LPA: variants seen among roughly 807,000 people sequenced by gnomAD.
LPA encodes apolipoprotein(a).
Under a neutral mutation model 197.9 loss-of-function variants are expected in LPA, and 199 were observed. That is an observed-to-expected ratio of 1.01 (90% CI 0.90 to 1.13). The LOEUF (loss-of-function observed/expected upper bound fraction) is 1.13, where lower values mean the gene tolerates loss of function less well. Among genes scored for constraint, LPA ranks in the 50% most tolerant of loss-of-function variants. LPA has a pLI of 0.00. For synonymous variants in LPA, 715 were observed against 639.5 expected, an observed-to-expected ratio of 1.12 and a Z score of -1.78; for missense variants, 1,853 against 1,785.8, an observed-to-expected ratio of 1.04 and a Z score of -0.68.
intron 12 of LPA, among the ~76,000 whole-genome samples, chr6:160,621,055 CTT>C (rs1397212209): frequency 1.8e-5 from 2 of 109,150 alleles, no homozygotes; most frequent in African/African-American, 4.0e-5. Flanking sequence ...TATACTACCT[CTT>C]TAATTTAATT....
intron 28 of LPA, among the ~76,000 whole-genome samples, chr6:160,569,736 G>A (rs1438322028): frequency 6.6e-6 from 1 of 152,124 alleles, no homozygotes; most frequent in Non-Finnish European, 1.5e-5. Flanking sequence ...CTACCCATCT[G>A]ACAAAGGGCT....
intron 16 of LPA, among the ~76,000 whole-genome samples, chr6:160,608,697 TTC>T (rs1284351219): frequency 6.6e-6 from 1 of 152,144 alleles, no homozygotes; most frequent in African/African-American, 2.4e-5. Context: ...CGGTATTTGT[TTC>T]TGTTTCCAAT....
chr6:160,599,082 G>C (rs1038220848), intron 20 of LPA, among the ~76,000 whole-genome samples: 3 of 152,170 alleles, frequency 2.0e-5, no homozygotes, highest in African/African-American at 7.2e-5. Flanking sequence ...GGTGGCTCAC[G>C]CCTGTAATCC....
chr6:160,548,508 C>A lies in LPA; in HGVS notation c.5125G>T (p.Val1709Phe), dbSNP rs900675233. 12 of 1,613,952 alleles carry A rather than the reference C, an allele frequency of 7.4e-6. No homozygotes were observed. The highest frequency in any genetic ancestry group is 2.7e-5 in the African/African-American group (2 of 74,894). Reference sequence around the variant, plus strand: ...TCAGAAGGAGGCCCTAGGCTTGGAACCTGGATGACAGTCGGAGGAGCGACC... The same window carrying A: ...TCAGAAGGAGGCCCTAGGCTTGGAAACTGGATGACAGTCGGAGGAGCGACC... ...TVVAPPTVIQ[V>F]PSLGPPSEQD... is the part of the protein sequence containing the mutation. Residue 1709 changes from valine (V) to phenylalanine (F), a missense_variant, in exon 31 of 39, where the codon GTT becomes TTT. Transcript: ENST00000316300.
intron 18 of LPA, among the ~76,000 whole-genome samples, chr6:160,602,845 GTT>G (rs2115056949): frequency 6.6e-6 from 1 of 152,202 alleles, no homozygotes; most frequent in East Asian, 1.9e-4. Context: ...GGGTTCCAGT[GTT>G]TCTGATGAGA....
chr6:160,587,473 T>C (rs1037693334), intron 24 of LPA, among the ~76,000 whole-genome samples: 1 of 152,182 alleles, frequency 6.6e-6, no homozygotes, highest in Non-Finnish European at 1.5e-5. Context: ...CCCCCTTTTT[T>C]TCTTTTTAGC....
chr6:160,534,938 A>G (rs1174556879), intron 37 of LPA, among the ~76,000 whole-genome samples: 3 of 149,238 alleles, frequency 2.0e-5, no homozygotes, highest in African/African-American at 7.4e-5. Context: ...GGTGTTAATG[A>G]TGGTGATGGT....
Position 160,661,142 on chromosome 6 carries a change from C to T in LPA, c.49+3024G>A, listed in dbSNP as rs370410969. On this transcript the variant is annotated intron_variant, in intron 1 of 38. Coordinates refer to ENST00000316300, the MANE Select transcript of LPA (RefSeq NM_005577.4). ...CTTCCAAGCCTGGAGATGCCAGCTC[C>T]ATCTCTGGCACAAAATGTAGTGATT... is the stretch of plus-strand genomic sequence containing the variant. Among the ~76,000 whole-genome samples, 8 of 150,176 alleles carry T rather than the reference C, an allele frequency of 5.3e-5. No individual in the cohort carries two copies. The South Asian group carries it at 1.5e-3, about 28-fold the overall frequency.
In LPA at chr6:160,586,504, G is replaced by A; in HGVS notation, c.4074C>T (p.Leu1358=). Residue 1358 remains leucine (L), a synonymous_variant, in exon 25 of 39, where the codon CTC becomes CTT. Transcript: ENST00000316300. ...LTQCPVMEST[L]LTTPTVVPVP... is the part of the protein sequence containing the mutation. ...CTGGGACCACCGTGGGAGTTGTGAG[G>A]AGAGTTGATTCCATCACTGGACATT... 1 of 1,613,814 alleles carries A rather than the reference G, an allele frequency of 6.2e-7. No homozygotes were observed.
intron 26 of LPA, among the ~76,000 whole-genome samples, chr6:160,580,784 A>T (rs193186293): frequency 1.3e-5 from 2 of 152,248 alleles, no homozygotes; most frequent in African/African-American, 4.8e-5. Flanking sequence ...TGAGTGGGAG[A>T]AATGTTTCTA....
Position 160,605,205 on chromosome 6 carries a change from G to T in LPA, c.2786C>A (p.Ala929Glu). 6.2e-7 allele frequency: 1 copy of T among 1,613,534 alleles called. No homozygotes were observed. The highest frequency in any genetic ancestry group is 8.5e-7 in the Non-Finnish European group (1 of 1,179,828). ...CACCCCAGGCCTTTGCTCAGTTGGT[G>T]CTGAAATGAAAAGAAAAGAAATCAA... Reference protein sequence around the residue: ...IPSLEAPSEQAPTEQRPGVQE... With the variant: ...IPSLEAPSEQEPTEQRPGVQE... Residue 929 changes from alanine to glutamate, a missense_variant and splice_region_variant, in exon 18 of 39, where the codon GCA (alanine) becomes GAA (glutamate). By Grantham distance (107) the Ala-to-Glu change is moderately radical (BLOSUM62 -1). Around this residue, in one of 3 missense-constraint regions of LPA, gnomAD observed 1,737 missense variants for 1,504.4 expected, o/e 1.15. Coordinates refer to ENST00000316300, the MANE Select transcript of LPA (RefSeq NM_005577.4).
Position 160,663,658 on chromosome 6 carries a change from A to T in LPA, c.49+508T>A, listed in dbSNP as rs183021680. Among the ~76,000 whole-genome samples the T allele has an allele frequency of 1.7e-3, 260 of 152,380 alleles. 2 individuals carry two copies. The Middle Eastern group carries it at 0.044, about 26-fold the overall frequency. On this transcript the variant is annotated intron_variant, in intron 1 of 38. Transcript: ENST00000316300. ...GTGTATAATTTCTCCAGGGATAAGA[A>T]GCAAATGTATACCGATGGAAAGCCT...
chr6:160,590,149 T>C (rs549022857), intron 23 of LPA, among the ~76,000 whole-genome samples: 2 of 152,274 alleles, frequency 1.3e-5, no homozygotes, highest in Admixed American at 1.3e-4. Flanking sequence ...AAGCCTTAAG[T>C]TTCTGGAAGA....
intron 2 of LPA, among the ~76,000 whole-genome samples, chr6:160,646,662 A>G (rs1779885428): frequency 7.7e-6 from 1 of 129,522 alleles, no homozygotes. Flanking sequence ...GATAACACAC[A>G]CACGTGGCCG....
At chr6:160,589,890 A>T (rs529478664) in intron 23 of LPA, among the ~76,000 whole-genome samples, 178 bp from the exon 24 acceptor site, 25 of 152,350 alleles carry the variant, frequency 1.6e-4, no homozygotes, top group South Asian at 1.4e-3. Context: ...GCATTCTGGA[A>T]CTTCAATGAG....
chr6:160,598,089 T>G (rs572468357), intron 20 of LPA, among the ~76,000 whole-genome samples: 1 of 152,314 alleles, frequency 6.6e-6, no homozygotes, highest in Admixed American at 6.5e-5. Context: ...GCCCAAGATT[T>G]TCAATGAGGT....
chr6:160,531,644 G>T lies in LPA; in HGVS notation c.*85C>A. The T allele has an allele frequency of 6.4e-7, 1 of 1,551,724 alleles. No individual in the cohort carries two copies. The highest frequency in any genetic ancestry group is 8.9e-7 in the Non-Finnish European group (1 of 1,124,330). ...CTGGGAACAGTGTCTTCGTTTGATT[G>T]CTGTCTATTATTTCCAGCATGCTAA... On this transcript the variant is annotated 3_prime_UTR_variant, in exon 39 of 39. Transcript: ENST00000316300.
At chr6:160,555,294 A>AGTGT (rs10552460) in intron 30 of LPA, among the ~76,000 whole-genome samples, 2,975 of 133,834 alleles carry the variant, frequency 0.022, 54 homozygotes, top group African/African-American at 0.027. Flanking sequence ...ATTATATGTT[A>AGTGT]GTGTGTGTGT....
At chr6:160,572,028 G>A (rs1193000557) in intron 28 of LPA, among the ~76,000 whole-genome samples, 1 of 152,222 alleles carries the variant, frequency 6.6e-6, no homozygotes, top group Non-Finnish European at 1.5e-5. Flanking sequence ...GAATCTCCTG[G>A]TCTTCAGGTT....
Sources: gnomAD v4.1 joint callset for allele counts (sites outside exome capture counted in the v4.1 genomes callset) on GRCh38, gnomAD v4.1.1 for gene constraint, gnomAD v4.1.1 regional missense constraint, MANE v1.5 for transcripts, NCBI Gene and HGNC (gene_info 2026-07-23, HGNC 2026-07-21) for gene names.